CSMD1: variants seen among roughly 807,000 people sequenced by gnomAD.
CSMD1 encodes the protein CUB and Sushi multiple domains 1, also known as CUB and sushi domain-containing protein 1.
Under a neutral mutation model 417.5 loss-of-function variants are expected in CSMD1, and 213 were observed. That is an observed-to-expected ratio of 0.51 (90% CI 0.46 to 0.57). The LOEUF (loss-of-function observed/expected upper bound fraction) is 0.57. CSMD1 is among the 20% of genes least tolerant of loss of function. CSMD1 has a pLI of 0.00. For missense variants in CSMD1, 6,923 were observed against 4,529.7 expected, an observed-to-expected ratio of 1.53 and a Z score of -15.17; for synonymous variants, 2,862 against 1,736.8, an observed-to-expected ratio of 1.65 and a Z score of -16.11.
rs398006953 is a variant in CSMD1, at chr8:3,751,326, G to GTGTGTA, written c.931+2603_931+2604insTACACA. Among the ~76,000 whole-genome samples the GTGTGTA allele has an allele frequency of 6.5e-3, 860 of 132,892 alleles. 7 individuals are homozygous for GTGTGTA. Among genetic ancestry groups the GTGTGTA allele is most frequent in the Non-Finnish European group, 7.8e-3 (466 of 59,432 alleles). The allele number at this position is 132,892 out of a possible 152,430, so 87.2% of individuals were successfully genotyped here. ...TGTGTGTGTGTGTGTGTGTGTGTGT[G>GTGTGTA]TATATATATATATATACACGAACAC... is the stretch of plus-strand genomic sequence containing the variant. On this transcript the variant is annotated intron_variant, in intron 6 of 69. Coordinates refer to ENST00000635120, the MANE Select transcript of CSMD1 (RefSeq NM_033225.6).
chr8:3,419,604 G>A (rs1429730477), intron 12 of CSMD1, among the ~76,000 whole-genome samples: 1 of 151,982 alleles, frequency 6.6e-6, no homozygotes, highest in Non-Finnish European at 1.5e-5. Context: ...CTGGCCAATT[G>A]CTATAGATTC....
intron 26 of CSMD1, among the ~76,000 whole-genome samples, chr8:3,240,526 A>G (rs1799428529): frequency 6.6e-6 from 1 of 152,010 alleles, no homozygotes; most frequent in Non-Finnish European, 1.5e-5. Context: ...GAGATAGGTA[A>G]CAGATGAGGA....
At chr8:3,963,490 G>C (rs913940697) in intron 5 of CSMD1, among the ~76,000 whole-genome samples, 3 of 152,082 alleles carry the variant, frequency 2.0e-5, no homozygotes, top group African/African-American at 4.8e-5. Context: ...TTATGCAATA[G>C]AAGTACCTGG....
At chr8:4,746,365 G>C (rs1309387229) in intron 1 of CSMD1, among the ~76,000 whole-genome samples, 1 of 152,192 alleles carries the variant, frequency 6.6e-6, no homozygotes, top group African/African-American at 2.4e-5. Context: ...ATGGTTTTAA[G>C]CGTTAGTCCT....
chr8:4,846,371 G>T (rs140261181), intron 1 of CSMD1, among the ~76,000 whole-genome samples: 1 of 152,096 alleles, frequency 6.6e-6, no homozygotes, highest in South Asian at 2.1e-4. Context: ...TTGCTTGGAG[G>T]GCTGACATGG....
intron 7 of CSMD1, among the ~76,000 whole-genome samples, chr8:3,654,413 T>A (rs1399406240): frequency 5.3e-5 from 8 of 152,166 alleles, no homozygotes. Flanking sequence ...TACCCTTTGG[T>A]GTAGTCCACA....
chr8:4,392,799 C>A (rs1803938800), intron 3 of CSMD1, among the ~76,000 whole-genome samples: 1 of 151,674 alleles, frequency 6.6e-6, no homozygotes, highest in Non-Finnish European at 1.5e-5. Flanking sequence ...GAAACCCCAT[C>A]TCTAGTAAAA....
intron 37 of CSMD1, among the ~76,000 whole-genome samples, chr8:3,176,966 T>C (rs1179068992): frequency 6.6e-6 from 1 of 151,900 alleles, no homozygotes; most frequent in Middle Eastern, 3.4e-3. Context: ...TTTATAGAGA[T>C]GAGGTTTTGC....
At chr8:4,516,672 C>A (rs1283215886) in intron 2 of CSMD1, among the ~76,000 whole-genome samples, 1 of 152,114 alleles carries the variant, frequency 6.6e-6, no homozygotes, top group Non-Finnish European at 1.5e-5. Context: ...TTATCTTTTC[C>A]ATGATCAGCC....
chr8:4,302,511 C>G (rs1440108143), intron 3 of CSMD1, among the ~76,000 whole-genome samples: 1 of 152,138 alleles, frequency 6.6e-6, no homozygotes, highest in African/African-American at 2.4e-5. Flanking sequence ...CAGTAGCGTG[C>G]TTGCATGTAG....
At chr8:3,620,814 C>G (rs1600857) in intron 7 of CSMD1, among the ~76,000 whole-genome samples, 13 of 151,842 alleles carry the variant, frequency 8.6e-5, no homozygotes, top group African/African-American at 2.9e-4. Flanking sequence ...TCAGAGCTAC[C>G]CTTTAAATAA....
intron 3 of CSMD1, among the ~76,000 whole-genome samples, chr8:4,388,585 C>CA (rs1803630011): frequency 6.6e-6 from 1 of 151,876 alleles, no homozygotes; most frequent in South Asian, 2.1e-4. Flanking sequence ...TAAAAGACTG[C>CA]AAATAGGGTA....
chr8:3,483,055 T>C (rs1817834167), intron 11 of CSMD1, among the ~76,000 whole-genome samples: 1 of 152,126 alleles, frequency 6.6e-6, no homozygotes, highest in Admixed American at 6.5e-5. Flanking sequence ...CTTAAGTTCC[T>C]ACCTCAAGAT....
chr8:4,018,828 T>C (rs1796647466), intron 4 of CSMD1, among the ~76,000 whole-genome samples: 1 of 152,158 alleles, frequency 6.6e-6, no homozygotes, highest in Non-Finnish European at 1.5e-5. Context: ...CGTGGGACCT[T>C]GGTGAAGTCA....
At chr8:4,123,745 T>A (rs780757086) in intron 3 of CSMD1, among the ~76,000 whole-genome samples, 1 of 152,212 alleles carries the variant, frequency 6.6e-6, no homozygotes, top group Non-Finnish European at 1.5e-5. Flanking sequence ...GAATTCAATG[T>A]GTTTATGCTG....
chr8:4,294,659 G>T (rs1333996606), intron 3 of CSMD1, among the ~76,000 whole-genome samples: 1 of 151,888 alleles, frequency 6.6e-6, no homozygotes, highest in East Asian at 1.9e-4. Context: ...CATGTTTCTT[G>T]GTATTTTACA....
At chr8:4,086,526 C>G (rs1158441370) in intron 3 of CSMD1, among the ~76,000 whole-genome samples, 1 of 152,160 alleles carries the variant, frequency 6.6e-6, no homozygotes, top group East Asian at 1.9e-4. Flanking sequence ...CTGGTCAACT[C>G]CCAATTTGTC....
At chr8:3,339,574 C>A (rs575067145) in intron 23 of CSMD1, among the ~76,000 whole-genome samples, 2 of 152,256 alleles carry the variant, frequency 1.3e-5, no homozygotes, top group South Asian at 2.1e-4. Flanking sequence ...GAAGCTGGTC[C>A]ATGTACCGGA....
intron 52 of CSMD1, among the ~76,000 whole-genome samples, chr8:3,009,804 A>G (rs1374932280): frequency 2.0e-5 from 3 of 152,172 alleles, no homozygotes; most frequent in Admixed American, 6.5e-5. Flanking sequence ...TGTTTGTGAC[A>G]GCATCAAACA....
Sources: allele counts gnomAD v4.1 joint callset (sites outside exome capture counted in the v4.1 genomes callset), GRCh38; gene constraint gnomAD v4.1.1; transcripts MANE v1.5; gene names NCBI Gene and HGNC (gene_info 2026-07-23, HGNC 2026-07-21).